Variants in RNGTT observed in about 807,000 individuals in gnomAD.
RNGTT encodes the protein RNA guanylyltransferase and 5'-phosphatase, also known as mRNA-capping enzyme.
A neutral mutation model predicts 79.3 loss-of-function variants in RNGTT; 33 were observed. The observed-to-expected ratio is 0.42, with a 90% CI of 0.32 to 0.56. The LOEUF (loss-of-function observed/expected upper bound fraction) is 0.56, where lower values mean the gene tolerates loss of function less well. Ranked by LOEUF, RNGTT falls within the 20% of genes least tolerant of loss-of-function variation. The probability of loss-of-function intolerance (pLI) is 0.17; values close to 1 mark genes in which losing one functional copy is unlikely to be tolerated. For missense variants in RNGTT, 497 were observed against 739.1 expected, an observed-to-expected ratio of 0.67 and a Z score of 3.80; for synonymous variants, 222 against 235.9, an observed-to-expected ratio of 0.94 and a Z score of 0.54.
At chr6:88,832,383 G>T (rs933075106) in intron 11 of RNGTT, among the ~76,000 whole-genome samples, 1 of 152,268 alleles carries the variant, frequency 6.6e-6, no homozygotes, top group Non-Finnish European at 1.5e-5. Flanking sequence ...AAACTGGCTA[G>T]CAATATGCAG....
rs574583765 is a variant in RNGTT, at chr6:88,668,221, C to G, written c.1506+10132G>C. On this transcript the variant is annotated intron_variant, in intron 14 of 15. Transcript: ENST00000369485. ...AAGGATGCCAGACCATCATCCTGAC[C>G]ACTCCCACCACCATGAAGGTAGAAG... Among the ~76,000 whole-genome samples the G allele has an allele frequency of 1.3e-4, 20 of 152,222 alleles. No homozygotes were observed. The East Asian group carries it at 1.5e-3, about 12-fold the overall frequency.
intron 13 of RNGTT, among the ~76,000 whole-genome samples, chr6:88,681,298 C>T (rs572786260): frequency 6.6e-6 from 1 of 152,236 alleles, no homozygotes; most frequent in East Asian, 1.9e-4. Flanking sequence ...TCCAACTTGC[C>T]TAATAACTAC....
At chr6:88,875,212 A>G (rs990329604) in intron 8 of RNGTT, among the ~76,000 whole-genome samples, 4 of 152,076 alleles carry the variant, frequency 2.6e-5, no homozygotes, top group African/African-American at 9.7e-5. Context: ...GAGTTTTTCT[A>G]TTATTTATTT....
At chr6:88,801,504 C>T in intron 12 of RNGTT, 60 bp downstream of exon 12, 2 of 1,273,176 alleles carry the variant, frequency 1.6e-6, no homozygotes, top group Non-Finnish European at 2.3e-6. Flanking sequence ...ATATGTATAT[C>T]TGTGTACACA....
At chr6:88,636,176 C>T (rs1773092855) in intron 14 of RNGTT, among the ~76,000 whole-genome samples, 1 of 151,938 alleles carries the variant, frequency 6.6e-6, no homozygotes, top group African/African-American at 2.4e-5. Context: ...AGGCCCACCC[C>T]TGGAACTTCA....
At chr6:88,687,325 T>C (rs1775314881) in intron 13 of RNGTT, among the ~76,000 whole-genome samples, 1 of 152,176 alleles carries the variant, frequency 6.6e-6, no homozygotes, top group Non-Finnish European at 1.5e-5. Context: ...CACTCTCGTA[T>C]ACTACTATTG....
At chr6:88,633,384 C>G (rs1362356299) in intron 14 of RNGTT, among the ~76,000 whole-genome samples, 1 of 152,158 alleles carries the variant, frequency 6.6e-6, no homozygotes, top group Admixed American at 6.5e-5. Context: ...TCTGTTCTTA[C>G]TCTTCCCCCT....
chr6:88,650,354 T>G (rs1328833915), intron 14 of RNGTT, among the ~76,000 whole-genome samples: 1 of 152,194 alleles, frequency 6.6e-6, no homozygotes, highest in African/African-American at 2.4e-5. Context: ...CAATTAACCA[T>G]GTGCTATGCA....
intron 12 of RNGTT, among the ~76,000 whole-genome samples, chr6:88,785,253 T>G (rs1330795926): frequency 5.3e-5 from 8 of 152,100 alleles, no homozygotes; most frequent in Admixed American, 5.2e-4. Flanking sequence ...TATTTATATT[T>G]ATTTCCCCTT....
intron 11 of RNGTT, among the ~76,000 whole-genome samples, chr6:88,836,243 T>TAA (rs775647641): frequency 6.1e-4 from 92 of 151,258 alleles, no homozygotes; most frequent in African/African-American, 1.2e-3. Context: ...TATATATATA[T>TAA]AATTGATGAC....
chr6:88,716,917 T>C (rs954175981), intron 13 of RNGTT, among the ~76,000 whole-genome samples: 1 of 152,134 alleles, frequency 6.6e-6, no homozygotes, highest in Non-Finnish European at 1.5e-5. Flanking sequence ...TGTATACATA[T>C]GTAACTAACC....
chr6:88,886,693 A>G (rs1307326206), intron 8 of RNGTT, among the ~76,000 whole-genome samples: 1 of 152,218 alleles, frequency 6.6e-6, no homozygotes, highest in African/African-American at 2.4e-5. Context: ...AGTTTATTGA[A>G]ATACACGAAA....
At chr6:88,898,143 G>A (rs963546136) in intron 6 of RNGTT, among the ~76,000 whole-genome samples, 3 of 152,196 alleles carry the variant, frequency 2.0e-5, no homozygotes, top group South Asian at 2.1e-4. Context: ...GGTGGTACAG[G>A]GAACCCCTAA....
In RNGTT at chr6:88,904,721, T is replaced by C; in HGVS notation, c.678A>G (p.Leu226=). The C allele has an allele frequency of 6.2e-7, 1 of 1,612,994 alleles. No individual in the cohort carries two copies. Among genetic ancestry groups the C allele is most frequent in the African/African-American group, 1.3e-5 (1 of 74,914 alleles). ...TAATATTTTTAAACATTACCAGTTT[T>C]AACCGTTCTTTTCTCCTTTTGCCAA... ...ASFGKRRKER[L]KLGAIFLEGV... Residue 226 remains leucine (L), a synonymous_variant, in exon 6 of 16, where the codon TTA becomes TTG. Coordinates refer to ENST00000369485, the MANE Select transcript of RNGTT (RefSeq NM_003800.5).
intron 4 of RNGTT, among the ~76,000 whole-genome samples, chr6:88,920,382 T>A (rs1260157064): frequency 6.6e-6 from 1 of 152,234 alleles, no homozygotes; most frequent in Non-Finnish European, 1.5e-5. Context: ...TATACTGTAT[T>A]TGTTGTTTTG....
intron 14 of RNGTT, among the ~76,000 whole-genome samples, chr6:88,627,453 G>A (rs1582249803): frequency 1.3e-5 from 2 of 152,018 alleles, no homozygotes; most frequent in East Asian, 3.9e-4. Context: ...ATGTGTGCTG[G>A]TTACATATAA....
chr6:88,768,801 A>G (rs1470106981), intron 13 of RNGTT, among the ~76,000 whole-genome samples: 1 of 152,220 alleles, frequency 6.6e-6, no homozygotes, highest in African/African-American at 2.4e-5. Context: ...CTTTGGAAAA[A>G]TGTTGAAAAT....
intron 11 of RNGTT, among the ~76,000 whole-genome samples, chr6:88,810,038 A>G (rs1361538266): frequency 6.6e-6 from 1 of 152,124 alleles, no homozygotes; most frequent in Admixed American, 6.5e-5. Context: ...ACAGAATTAG[A>G]TATCGCCTAA....
At chr6:88,857,132 G>T (rs1006310603) in intron 8 of RNGTT, among the ~76,000 whole-genome samples, 2 of 152,030 alleles carry the variant, frequency 1.3e-5, no homozygotes, top group African/African-American at 4.8e-5. Context: ...TAATCTTTCA[G>T]AGCAGTTGCT....
Sources: gnomAD v4.1 joint callset for allele counts (sites outside exome capture counted in the v4.1 genomes callset) on GRCh38, gnomAD v4.1.1 for gene constraint, MANE v1.5 for transcripts, NCBI Gene and HGNC (gene_info 2026-07-23, HGNC 2026-07-21) for gene names.